The following TRAPPC9 variants were observed in gnomAD, a reference collection of about 807,000 sequenced individuals.
TRAPPC9 encodes the protein IKK2 binding protein.
In TRAPPC9, 83 loss-of-function variants were observed where a neutral mutation model predicts 124.0. That is an observed-to-expected ratio of 0.67 (90% CI 0.56 to 0.80). The LOEUF (loss-of-function observed/expected upper bound fraction) is 0.80. Among genes scored for constraint, TRAPPC9 ranks in the 30% least tolerant of loss-of-function variants. The pLI, the probability that TRAPPC9 is intolerant of heterozygous loss-of-function variation, is 0.00. For synonymous variants in TRAPPC9, 638 were observed against 617.5 expected, an observed-to-expected ratio of 1.03 and a Z score of -0.49; for missense variants, 1,302 against 1,508.3, an observed-to-expected ratio of 0.86 and a Z score of 2.27.
intron 21 of TRAPPC9, among the ~76,000 whole-genome samples, chr8:139,881,488 C>G (rs1246484609): frequency 6.6e-6 from 1 of 152,122 alleles, no homozygotes; most frequent in African/African-American, 2.4e-5. Flanking sequence ...CCTGCTGAAG[C>G]GGGAATTATG....
At chr8:140,276,418 T>A (rs2065122278) in intron 14 of TRAPPC9, among the ~76,000 whole-genome samples, 2 of 151,998 alleles carry the variant, frequency 1.3e-5, no homozygotes, top group Non-Finnish European at 2.9e-5. Flanking sequence ...TCTGTGGGGC[T>A]CCATCCTCAC....
chr8:139,810,716 T>C (rs1474491220), intron 21 of TRAPPC9, among the ~76,000 whole-genome samples: 3 of 152,064 alleles, frequency 2.0e-5, no homozygotes, highest in African/African-American at 7.2e-5. Flanking sequence ...CTGACATGAA[T>C]TATGGGGAGG....
intron 17 of TRAPPC9, among the ~76,000 whole-genome samples, chr8:140,205,957 T>C (rs1268987600): frequency 3.9e-5 from 6 of 152,218 alleles, no homozygotes; most frequent in African/African-American, 1.4e-4. Flanking sequence ...ACCCTCACCA[T>C]CTTCCCTATG....
chr8:139,956,561 CG>C (rs1397658445), intron 19 of TRAPPC9, among the ~76,000 whole-genome samples: 1 of 152,216 alleles, frequency 6.6e-6, no homozygotes, highest in Non-Finnish European at 1.5e-5. Context: ...CCCTCCACCA[CG>C]GTGTCTCGTA....
intron 19 of TRAPPC9, among the ~76,000 whole-genome samples, chr8:139,956,964 C>T (rs1440791328): frequency 6.6e-6 from 1 of 152,254 alleles, no homozygotes; most frequent in African/African-American, 2.4e-5. Context: ...CGGATAAGGC[C>T]CTGAGGTGCT....
intron 1 of TRAPPC9, 55 bp from the exon 2 acceptor site, chr8:140,451,438 C>A: frequency 1.4e-6 from 2 of 1,472,738 alleles, no homozygotes; most frequent in Non-Finnish European, 1.9e-6. Context: ...GTGCTGAGAG[C>A]CTACCCTGGG....
intron 21 of TRAPPC9, among the ~76,000 whole-genome samples, chr8:139,770,660 G>C (rs1211282050): frequency 6.6e-6 from 1 of 152,232 alleles, no homozygotes; most frequent in Admixed American, 6.5e-5. Context: ...TTTTCCTGAG[G>C]CCACAGAGCT....
intron 15 of TRAPPC9, 143 bp downstream of exon 15, chr8:140,275,515 T>C: frequency 2.2e-6 from 2 of 892,950 alleles, no homozygotes; most frequent in East Asian, 2.7e-5. Flanking sequence ...TCTCAGCCTG[T>C]AAGCCCTCGC....
intron 14 of TRAPPC9, among the ~76,000 whole-genome samples, chr8:140,281,594 T>C (rs1588086506): frequency 6.6e-6 from 1 of 152,202 alleles, no homozygotes; most frequent in Admixed American, 6.5e-5. Flanking sequence ...GTAAAAGCTT[T>C]TAATTTTGAT....
At chr8:140,366,112 T>C (rs568100490) in intron 8 of TRAPPC9, among the ~76,000 whole-genome samples, 1 of 152,374 alleles carries the variant, frequency 6.6e-6, no homozygotes, top group African/African-American at 2.4e-5. Context: ...TCATTTTTTA[T>C]GGCTGCATAA....
At position 140,257,382 on chromosome 8, in the gene TRAPPC9, C is replaced by T. The variant is rs1304129017; in HGVS notation, c.2279-4453G>A. ...TGGGCCTCTTCTGCGCTGAGCCAAC[C>T]TGTCCACCTTCCTTCTACTTCTCCT... On this transcript the variant is annotated intron_variant, in intron 15 of 22. Transcript: ENST00000438773. This position sits in a 1 kb window ranked among gnomAD's most constrained non-coding sequence, Gnocchi z 4.6. Among the ~76,000 whole-genome samples, 1 of 152,248 alleles carries T rather than the reference C, an allele frequency of 6.6e-6. No individual in the cohort carries two copies. The highest frequency in any genetic ancestry group is 1.5e-5 in the Non-Finnish European group (1 of 68,048).
At chr8:139,731,444 T>C (rs1031347424) in intron 22 of TRAPPC9, among the ~76,000 whole-genome samples, 2 of 152,028 alleles carry the variant, frequency 1.3e-5, no homozygotes, top group African/African-American at 2.4e-5. Flanking sequence ...CCTGAATTGT[T>C]TGGGGGCTCA....
At chr8:140,337,708 C>A (rs995554131) in intron 9 of TRAPPC9, among the ~76,000 whole-genome samples, 3 of 152,162 alleles carry the variant, frequency 2.0e-5, no homozygotes, top group African/African-American at 7.2e-5. Flanking sequence ...GTCAGATGGG[C>A]ACGTGATCAG....
intron 21 of TRAPPC9, among the ~76,000 whole-genome samples, chr8:139,876,771 C>T (rs889337534): frequency 1.1e-4 from 16 of 152,216 alleles, no homozygotes; most frequent in Admixed American, 1.3e-4. Context: ...CCTGTGGTTC[C>T]AGGCTCCAAC....
intron 17 of TRAPPC9, among the ~76,000 whole-genome samples, chr8:140,038,564 G>A (rs1490901895): frequency 1.1e-4 from 17 of 152,184 alleles, no homozygotes; most frequent in Admixed American, 9.2e-4. Context: ...CTGGCTCCAC[G>A]CACACTGCTG....
intron 17 of TRAPPC9, among the ~76,000 whole-genome samples, chr8:140,057,669 G>T (rs1842367178): frequency 6.6e-6 from 1 of 152,200 alleles, no homozygotes; most frequent in South Asian, 2.1e-4. Flanking sequence ...GGTGGTTTCT[G>T]GGGACTGGGA....
At chr8:140,384,371 G>A (rs533241687) in intron 7 of TRAPPC9, among the ~76,000 whole-genome samples, 1 of 152,234 alleles carries the variant, frequency 6.6e-6, no homozygotes, top group Admixed American at 6.5e-5. Flanking sequence ...CTGGCAAATT[G>A]GATAAAGAGT....
intron 19 of TRAPPC9, among the ~76,000 whole-genome samples, chr8:139,986,555 A>G (rs1397153363): frequency 6.6e-6 from 1 of 152,192 alleles, no homozygotes; most frequent in Non-Finnish European, 1.5e-5. Context: ...ATTATACTAT[A>G]TTTGCATTAC....
intron 21 of TRAPPC9, among the ~76,000 whole-genome samples, chr8:139,844,462 T>C (rs2130902305): frequency 6.6e-6 from 1 of 152,378 alleles, no homozygotes; most frequent in Non-Finnish European, 1.5e-5. Context: ...TTCCCTGCTC[T>C]TTCTGTGAAC....
Sources: allele counts gnomAD v4.1 joint callset (sites outside exome capture counted in the v4.1 genomes callset), GRCh38; gene constraint gnomAD v4.1.1; non-coding constraint Gnocchi (gnomAD v3.1); transcripts MANE v1.5; gene names NCBI Gene and HGNC (gene_info 2026-07-23, HGNC 2026-07-21).